The following CSMD3 variants were observed in gnomAD, a reference collection of about 807,000 sequenced individuals.
CSMD3 encodes CUB and sushi domain-containing protein 3.
A neutral mutation model predicts 435.2 loss-of-function variants in CSMD3; 177 were observed. The observed-to-expected ratio is 0.41, with a 90% CI of 0.36 to 0.46. The LOEUF is 0.46. Among genes scored for constraint, CSMD3 ranks in the 20% least tolerant of loss-of-function variants. The pLI is 0.34. For missense variants in CSMD3, 4,265 were observed against 4,504.6 expected (o/e 0.95, Z 1.52); for synonymous variants, 1,656 against 1,520.5 (o/e 1.09, Z -2.07).
At chr8:113,243,172 G>A (rs1210071484) in intron 3 of CSMD3, among the ~76,000 whole-genome samples, 1 of 151,488 alleles carries the variant, frequency 6.6e-6, no homozygotes, top group Non-Finnish European at 1.5e-5. Flanking sequence ...ACTTAAAACT[G>A]AAAGAAAAAA....
At chr8:112,537,783 T>C (rs546007685) in intron 27 of CSMD3, among the ~76,000 whole-genome samples, 25 of 151,812 alleles carry the variant, frequency 1.6e-4, no homozygotes, top group Middle Eastern at 3.4e-3. Flanking sequence ...GATTCACTGA[T>C]GAATTCTACC....
At chr8:112,531,952 G>A (rs552933589) in intron 27 of CSMD3, among the ~76,000 whole-genome samples, 1 of 151,982 alleles carries the variant, frequency 6.6e-6, no homozygotes, top group African/African-American at 2.4e-5. Flanking sequence ...GCTAATTTGA[G>A]GAAGCTCAGT....
chr8:113,336,768 C>A (rs1354438808), intron 1 of CSMD3, among the ~76,000 whole-genome samples: 1 of 152,040 alleles, frequency 6.6e-6, no homozygotes, highest in Non-Finnish European at 1.5e-5. Context: ...CACCTTGTTA[C>A]TATGAAGTGG....
At chr8:112,699,466 G>A (rs1408561921) in intron 13 of CSMD3, among the ~76,000 whole-genome samples, 1 of 151,964 alleles carries the variant, frequency 6.6e-6, no homozygotes, top group African/African-American at 2.4e-5. Flanking sequence ...GAATAAGTGG[G>A]GAAAAAAAGA....
intron 22 of CSMD3, among the ~76,000 whole-genome samples, chr8:112,616,532 T>G (rs1833676673): frequency 6.6e-6 from 1 of 152,022 alleles, no homozygotes; most frequent in African/African-American, 2.4e-5. Flanking sequence ...TCACCAACAA[T>G]CAATCCAATG....
intron 13 of CSMD3, among the ~76,000 whole-genome samples, chr8:112,753,576 A>G (rs1413541730): frequency 7.2e-5 from 11 of 152,214 alleles, no homozygotes; most frequent in Non-Finnish European, 1.5e-5. Flanking sequence ...GAGCCTCTAT[A>G]TGCCAGGAGT....
chr8:113,022,846 CAAT>C (rs1339907053), intron 5 of CSMD3, among the ~76,000 whole-genome samples: 1 of 151,808 alleles, frequency 6.6e-6, no homozygotes, highest in Non-Finnish European at 1.5e-5. Flanking sequence ...GAAATACTGA[CAAT>C]AATACAGAGT....
chr8:113,060,769 C>T (rs998243207), intron 5 of CSMD3, among the ~76,000 whole-genome samples: 5 of 152,112 alleles, frequency 3.3e-5, no homozygotes, highest in East Asian at 1.9e-4. Context: ...TGTTTCTACA[C>T]AGCACCAGCC....
chr8:112,368,128 G>A (rs1171058676), intron 38 of CSMD3, among the ~76,000 whole-genome samples: 1 of 152,068 alleles, frequency 6.6e-6, no homozygotes, highest in East Asian at 1.9e-4. Flanking sequence ...CATTCCAGGA[G>A]GTCCCTTCAA....
chr8:113,004,053 T>C (rs2085965351), intron 6 of CSMD3, among the ~76,000 whole-genome samples: 2 of 152,114 alleles, frequency 1.3e-5, no homozygotes, highest in Admixed American at 1.3e-4. Flanking sequence ...TTGGGGAGGC[T>C]TTCATGATAA....
intron 10 of CSMD3, among the ~76,000 whole-genome samples, chr8:112,888,982 A>C (rs1461874053): frequency 6.6e-6 from 1 of 151,702 alleles, no homozygotes; most frequent in Non-Finnish European, 1.5e-5. Context: ...TAAGACAACC[A>C]ATTAACAAAC....
intron 13 of CSMD3, among the ~76,000 whole-genome samples, chr8:112,776,325 T>C (rs1002225473): frequency 2.0e-5 from 3 of 151,864 alleles, no homozygotes; most frequent in African/African-American, 7.2e-5. Context: ...TCTCAGTTTT[T>C]TTATTATCTT....
Position 112,615,705 on chromosome 8 carries a change from A to G in CSMD3, c.3715+21112T>C, listed in dbSNP as rs192317586. On this transcript the variant is annotated intron_variant, in intron 22 of 70. Coordinates refer to ENST00000297405, the MANE Select transcript of CSMD3 (RefSeq NM_198123.2). ...ACCTATATACTATAAACCATACGAA[A>G]AAAGAGTTCTGGTATTCTGGAGCAG... Among the ~76,000 whole-genome samples, 223 of 152,214 alleles carry G rather than the reference A, an allele frequency of 1.5e-3. 2 individuals carry two copies. The highest frequency in any genetic ancestry group is 4.9e-3 in the African/African-American group (204 of 41,552).
chr8:112,561,946 G>A (rs181521424), intron 24 of CSMD3, among the ~76,000 whole-genome samples: 4 of 151,424 alleles, frequency 2.6e-5, no homozygotes, highest in African/African-American at 9.7e-5. Context: ...GTGGTATTCC[G>A]TTGGTGACAT....
intron 5 of CSMD3, among the ~76,000 whole-genome samples, chr8:113,075,978 C>T (rs2089318144): frequency 1.3e-5 from 2 of 151,678 alleles, no homozygotes; most frequent in African/African-American, 4.8e-5. Flanking sequence ...TTCAATCAAG[C>T]AGTCACAATT....
intron 10 of CSMD3, among the ~76,000 whole-genome samples, chr8:112,892,612 C>A (rs2081831245): frequency 6.6e-6 from 1 of 151,490 alleles, no homozygotes; most frequent in South Asian, 2.1e-4. Flanking sequence ...ACACCTACTG[C>A]CAGCACTTTT....
intron 11 of CSMD3, among the ~76,000 whole-genome samples, chr8:112,841,588 C>A (rs1229275638): frequency 6.6e-6 from 1 of 151,690 alleles, no homozygotes; most frequent in Non-Finnish European, 1.5e-5. Flanking sequence ...TCTAAAAAAT[C>A]GATTGCAATC....
chr8:113,403,545 T>C (rs1307920095), intron 1 of CSMD3, among the ~76,000 whole-genome samples: 1 of 151,366 alleles, frequency 6.6e-6, no homozygotes, highest in African/African-American at 2.4e-5. Context: ...TTCTTCCCTT[T>C]TTAGAGTACA....
At chr8:112,964,228 A>G (rs769453464) in intron 7 of CSMD3, among the ~76,000 whole-genome samples, 2 of 151,978 alleles carry the variant, frequency 1.3e-5, no homozygotes, top group Non-Finnish European at 2.9e-5. Flanking sequence ...ACTATCATCT[A>G]TACCATCTGA....
Sources: allele counts gnomAD v4.1 joint callset (sites outside exome capture counted in the v4.1 genomes callset), GRCh38; gene constraint gnomAD v4.1.1; transcripts MANE v1.5; gene names NCBI Gene and HGNC (gene_info 2026-07-23, HGNC 2026-07-21).